The following EVI5 variants were observed in gnomAD, a reference collection of about 807,000 sequenced individuals.
EVI5 encodes ecotropic viral integration site 5 protein homolog.
In EVI5, 73 loss-of-function variants were observed where a neutral mutation model predicts 112.0. That is an observed-to-expected ratio of 0.65 (90% CI 0.54 to 0.79). The LOEUF is 0.79. Ranked by LOEUF, EVI5 falls within the 30% of genes least tolerant of loss-of-function variation. The pLI is 0.00. For missense variants in EVI5, 900 were observed against 968.8 expected (o/e 0.93, Z 0.94); for synonymous variants, 305 against 319.9 (o/e 0.95, Z 0.50).
intron 19 of EVI5, among the ~76,000 whole-genome samples, chr1:92,516,625 C>T (rs979074769): frequency 1.1e-4 from 16 of 152,056 alleles, no homozygotes; most frequent in African/African-American, 3.9e-4. Context: ...GAAGGAATTC[C>T]AGGGTACTGA....
In EVI5 at chr1:92,690,506, C is replaced by T. The variant is rs557964144; in HGVS notation, c.1097+3296G>A. Reference sequence around the variant, plus strand: ...TAAAGGTGTACACCACCATACCTGGCTAATTTTTGGTCTTTTTTTTTTCTA... The same window carrying T: ...TAAAGGTGTACACCACCATACCTGGTTAATTTTTGGTCTTTTTTTTTTCTA... On this transcript the variant is annotated intron_variant, in intron 9 of 19. Transcript: ENST00000684568. Among the ~76,000 whole-genome samples, 14 of 151,748 alleles carry T rather than the reference C, an allele frequency of 9.2e-5. No individual in the cohort carries two copies. The South Asian group carries it at 1.3e-3, about 14-fold the overall frequency.
At chr1:92,751,857 CA>C (rs1680244843) in intron 1 of EVI5, among the ~76,000 whole-genome samples, 1 of 151,824 alleles carries the variant, frequency 6.6e-6, no homozygotes, top group Non-Finnish European at 1.5e-5. Flanking sequence ...ACTAAAAACA[CA>C]AAAAATTAGC....
At chr1:92,565,871 G>A (rs1196163918) in intron 18 of EVI5, among the ~76,000 whole-genome samples, 1 of 134,606 alleles carries the variant, frequency 7.4e-6, no homozygotes, top group Non-Finnish European at 1.5e-5. Flanking sequence ...TCAGGAGGCT[G>A]AGGCAGGAGA....
intron 9 of EVI5, among the ~76,000 whole-genome samples, chr1:92,678,808 C>G (rs1463046585): frequency 6.6e-6 from 1 of 152,138 alleles, no homozygotes; most frequent in African/African-American, 2.4e-5. Flanking sequence ...AAAATTCTCC[C>G]TCAAAGGACA....
upstream of EVI5, among the ~76,000 whole-genome samples, chr1:92,788,238 G>A (rs1345082562): frequency 6.6e-6 from 1 of 152,104 alleles, no homozygotes; most frequent in Non-Finnish European, 1.5e-5. Flanking sequence ...GGGAGGCCAA[G>A]GTGGGTGGAT....
At chr1:92,621,945 A>T (rs1471471517) in intron 16 of EVI5, among the ~76,000 whole-genome samples, 3 of 151,450 alleles carry the variant, frequency 2.0e-5, no homozygotes, top group Admixed American at 1.3e-4. Flanking sequence ...ACATGGTGAA[A>T]CCCCGTCTCT....
chr1:92,647,433 A>G (rs2102012369), intron 13 of EVI5: 1 of 343,790 alleles, frequency 2.9e-6, no homozygotes, highest in East Asian at 5.7e-5. Flanking sequence ...CCTTCCAAGC[A>G]TAGCATACTT....
intron 13 of EVI5, among the ~76,000 whole-genome samples, chr1:92,660,856 T>C (rs559025140): frequency 2.2e-4 from 34 of 152,130 alleles, no homozygotes; most frequent in Admixed American, 1.3e-3. Flanking sequence ...TTTGTTTTGA[T>C]TGTGGTAGTG....
At chr1:92,772,320 G>C (rs371491473) in intron 1 of EVI5, among the ~76,000 whole-genome samples, 1 of 152,164 alleles carries the variant, frequency 6.6e-6, no homozygotes, top group Admixed American at 6.5e-5. Flanking sequence ...AAACTGGCCA[G>C]GCGAGGTGGC....
chr1:92,632,737 G>A (rs1325671906), intron 14 of EVI5, among the ~76,000 whole-genome samples: 1 of 151,976 alleles, frequency 6.6e-6, no homozygotes, highest in African/African-American at 2.4e-5. Flanking sequence ...GTTTGCTCTT[G>A]CTTCTCTAGT....
At chr1:92,702,461 A>AATAAT (rs1460950036) in intron 4 of EVI5, among the ~76,000 whole-genome samples, 1 of 150,778 alleles carries the variant, frequency 6.6e-6, no homozygotes, top group Non-Finnish European at 1.5e-5. Context: ...AATAAAATAA[A>AATAAT]ATAAAATAAA....
intron 13 of EVI5, among the ~76,000 whole-genome samples, chr1:92,636,856 T>C (rs1460084249): frequency 6.6e-6 from 1 of 152,180 alleles, no homozygotes; most frequent in African/African-American, 2.4e-5. Context: ...TATACTGAGG[T>C]AAATAAAAAT....
chr1:92,731,846 A>G (rs543647139), intron 2 of EVI5, among the ~76,000 whole-genome samples: 1 of 152,368 alleles, frequency 6.6e-6, no homozygotes, highest in East Asian at 1.9e-4. Context: ...TCCATATTCA[A>G]AAAATGAACT....
intron 1 of EVI5, among the ~76,000 whole-genome samples, chr1:92,757,605 A>AC (rs1480214831): frequency 2.6e-5 from 4 of 151,690 alleles, no homozygotes; most frequent in African/African-American, 9.7e-5. Context: ...ATTTTTAAAA[A>AC]GAAAAAAAAA....
intron 2 of EVI5, among the ~76,000 whole-genome samples, chr1:92,733,772 A>G (rs1447325520): frequency 2.6e-5 from 4 of 152,102 alleles, no homozygotes; most frequent in African/African-American, 9.7e-5. Flanking sequence ...CTGATCCTCA[A>G]TTATTTGCAA....
chr1:92,548,960 T>C (rs970434834), intron 19 of EVI5, among the ~76,000 whole-genome samples: 12 of 152,170 alleles, frequency 7.9e-5, no homozygotes, highest in African/African-American at 2.9e-4. Context: ...CCCATCAAGC[T>C]ACCAATGACT....
At chr1:92,543,968 A>G (rs1665262419) in intron 19 of EVI5, among the ~76,000 whole-genome samples, 1 of 152,252 alleles carries the variant, frequency 6.6e-6, no homozygotes, top group African/African-American at 2.4e-5. Context: ...CTGTTTATCC[A>G]TACAGTAGAA....
chr1:92,607,699 C>T lies in EVI5; in HGVS notation c.1856G>A (p.Arg619Lys), dbSNP rs200094131. The stretch of plus-strand genomic sequence containing the variant: ...TAGGCTAATCACCTCTTGTTCTGCT[C>T]TTCGAAGATGGTTACTATTGATCTG... ...QNQINSNHLR[R>K]AEQEVISLQE... is the part of the protein sequence containing the mutation. The change falls in exon 17 of 20, where the codon AGA becomes AAA. Residue 619 changes from arginine (R) to lysine (K), a missense_variant. Arg to Lys is a conservative substitution (Grantham distance 26). Transcript: ENST00000684568. 3 of 1,603,646 alleles carry T rather than the reference C, an allele frequency of 1.9e-6. No individual in the cohort carries two copies. The highest frequency in any genetic ancestry group is 1.3e-5 in the African/African-American group (1 of 74,570).
intron 18 of EVI5, among the ~76,000 whole-genome samples, chr1:92,583,237 G>A (rs1039572009): frequency 1.6e-4 from 24 of 151,878 alleles, no homozygotes; most frequent in African/African-American, 5.8e-4. Context: ...GGTCAGGCGC[G>A]GTGGCTCATG....
Sources: allele counts gnomAD v4.1 joint callset (sites outside exome capture counted in the v4.1 genomes callset), GRCh38; gene constraint gnomAD v4.1.1; transcripts MANE v1.5; gene names NCBI Gene and HGNC (gene_info 2026-07-23, HGNC 2026-07-21).